The following RIT2 variants were observed in gnomAD, a reference collection of about 807,000 sequenced individuals.
RIT2 encodes the protein Ras like without CAAX 2.
A neutral mutation model predicts 23.7 loss-of-function variants in RIT2; 24 were observed. That is an observed-to-expected ratio of 1.01 (90% confidence interval 0.73 to 1.43). RIT2 has a LOEUF of 1.43. RIT2 is among the 40% of genes most tolerant of loss of function. RIT2 has a pLI of 0.00. For synonymous variants in RIT2, 107 were observed against 91.1 expected (o/e 1.17, Z -0.99); for missense variants, 236 against 266.9 (o/e 0.88, Z 0.81).
At chr18:42,747,518 C>G (rs1305916009) in intron 4 of RIT2, among the ~76,000 whole-genome samples, 2 of 151,952 alleles carry the variant, frequency 1.3e-5, no homozygotes, top group Admixed American at 6.6e-5. Context: ...ACACCACCGT[C>G]ATTCTTCACA....
chr18:42,950,446 G>C (rs2144171686), intron 3 of RIT2, among the ~76,000 whole-genome samples: 3 of 152,104 alleles, frequency 2.0e-5, no homozygotes, highest in African/African-American at 7.2e-5. Flanking sequence ...AATCCTACAA[G>C]AAAACCTAGG....
chr18:43,077,094 C>T (rs376381544), intron 1 of RIT2, among the ~76,000 whole-genome samples: 2,090 of 90,756 alleles, frequency 0.023, 62 homozygotes, highest in African/African-American at 0.075. Context: ...CAGAGCGAGA[C>T]TCCGTCTCAA....
intron 2 of RIT2, among the ~76,000 whole-genome samples, chr18:42,994,736 G>T (rs7234577): frequency 0.95 from 145,107 of 152,198 alleles, 69,542 homozygotes; most frequent in East Asian, 1. Context: ...ATGTCTCCAC[G>T]CAGCGGCTGC....
intron 4 of RIT2, among the ~76,000 whole-genome samples, chr18:42,919,439 C>T (rs1450386478): frequency 2.6e-5 from 4 of 152,030 alleles, no homozygotes; most frequent in African/African-American, 7.2e-5. Context: ...TTTGGCCGGG[C>T]GCAGTAGCTT....
intron 2 of RIT2, 92 bp from the exon 3 acceptor site, chr18:42,974,239 T>C (rs530861342): frequency 1.7e-5 from 13 of 784,756 alleles, no homozygotes; most frequent in African/African-American, 1.2e-4. Context: ...CTAAGTAAGT[T>C]ACTAAGATAA....
intron 4 of RIT2, among the ~76,000 whole-genome samples, chr18:42,884,713 C>G (rs191303570): frequency 4.8e-4 from 73 of 152,188 alleles, no homozygotes; most frequent in Admixed American, 1.6e-3. Flanking sequence ...TGCTACCTGA[C>G]AAGCATGGGA....
chr18:43,065,094 A>G (rs1320390584), intron 1 of RIT2, among the ~76,000 whole-genome samples: 2 of 152,096 alleles, frequency 1.3e-5, no homozygotes, highest in Non-Finnish European at 2.9e-5. Context: ...CTGGGATTAC[A>G]GGGGTGAGCC....
chr18:43,115,063 T>G (rs138802350), intron 1 of RIT2, among the ~76,000 whole-genome samples: 3 of 152,312 alleles, frequency 2.0e-5, no homozygotes, highest in East Asian at 3.9e-4. Flanking sequence ...TCTTTCTTTA[T>G]GTGAAGATTT....
At chr18:42,953,315 G>T (rs1444039381) in intron 3 of RIT2, among the ~76,000 whole-genome samples, 2 of 151,914 alleles carry the variant, frequency 1.3e-5, no homozygotes, top group Non-Finnish European at 2.9e-5. Flanking sequence ...CCTTTATTAT[G>T]ATATTGACTT....
At chr18:42,868,856 T>C (rs1907541511) in intron 4 of RIT2, among the ~76,000 whole-genome samples, 1 of 152,190 alleles carries the variant, frequency 6.6e-6, no homozygotes, top group South Asian at 2.1e-4. Flanking sequence ...ATGGCCTTTT[T>C]TTCCCCAGCC....
At chr18:43,072,114 A>C (rs1241534549) in intron 1 of RIT2, among the ~76,000 whole-genome samples, 1 of 151,836 alleles carries the variant, frequency 6.6e-6, no homozygotes, top group East Asian at 1.9e-4. Context: ...GCCTCCCAAG[A>C]AGCTGAGATT....
intron 1 of RIT2, among the ~76,000 whole-genome samples, chr18:43,094,123 G>GTTTTTTTTTTTTT (rs376144367): frequency 1.7e-5 from 2 of 116,066 alleles, no homozygotes; most frequent in Non-Finnish European, 3.5e-5. Flanking sequence ...GGTTTTTTTT[G>GTTTTTTTTTTTTT]TTTTTTTTTT....
At chr18:42,778,259 G>GA (rs571287162) in intron 4 of RIT2, among the ~76,000 whole-genome samples, 10 of 150,938 alleles carry the variant, frequency 6.6e-5, no homozygotes, top group South Asian at 4.2e-4. Context: ...GTCACCAAAA[G>GA]AAAAAAAAAT....
intron 4 of RIT2, among the ~76,000 whole-genome samples, chr18:42,878,205 A>G (rs985925613): frequency 6.6e-6 from 1 of 151,044 alleles, no homozygotes; most frequent in Non-Finnish European, 1.5e-5. Context: ...ATAACTTTTG[A>G]CTCTCTAAAA....
intron 3 of RIT2, among the ~76,000 whole-genome samples, chr18:42,938,745 C>A (rs569552233): frequency 6.6e-6 from 1 of 152,024 alleles, no homozygotes; most frequent in African/African-American, 2.4e-5. Flanking sequence ...ACATAATACA[C>A]TACTTTTTTA....
intron 4 of RIT2, among the ~76,000 whole-genome samples, chr18:42,877,163 A>C (rs1032337649): frequency 4.6e-5 from 7 of 151,924 alleles, no homozygotes; most frequent in South Asian, 2.1e-4. Flanking sequence ...CCAAATTATT[A>C]AAAGAATCAA....
intron 1 of RIT2, among the ~76,000 whole-genome samples, chr18:43,074,776 C>T (rs780951841): frequency 5.3e-5 from 8 of 152,196 alleles, no homozygotes; most frequent in Non-Finnish European, 1.2e-4. Flanking sequence ...AGCCATCATC[C>T]TCAGCAAACT....
At chr18:42,968,044 C>T (rs1199370169) in intron 3 of RIT2, among the ~76,000 whole-genome samples, 3 of 152,002 alleles carry the variant, frequency 2.0e-5, no homozygotes, top group East Asian at 1.9e-4. Context: ...TCTCCCATGT[C>T]GTGAAAGGGT....
intron 4 of RIT2, among the ~76,000 whole-genome samples, chr18:42,777,997 C>A (rs1172296299): frequency 6.6e-6 from 1 of 152,192 alleles, no homozygotes; most frequent in Non-Finnish European, 1.5e-5. Context: ...TATTGATCCT[C>A]TTTGCATATT....
Sources: allele counts gnomAD v4.1 joint callset (sites outside exome capture counted in the v4.1 genomes callset), GRCh38; gene constraint gnomAD v4.1.1; transcripts MANE v1.5; gene names NCBI Gene and HGNC (gene_info 2026-07-23, HGNC 2026-07-21).